Variants in POLR2E observed in about 807,000 individuals in gnomAD.
The protein encoded by POLR2E is RNA polymerase II, I and III subunit E.
Under a neutral mutation model 29.8 loss-of-function variants are expected in POLR2E, and 35 were observed. The observed-to-expected ratio is 1.17, with a 90% CI of 0.90 to 1.55. The LOEUF (loss-of-function observed/expected upper bound fraction) is 1.55, where lower values mean the gene tolerates loss of function less well. Among genes scored for constraint, POLR2E ranks in the 40% most tolerant of loss-of-function variants. The probability of loss-of-function intolerance (pLI) is 0.00; values close to 1 mark genes in which losing one functional copy is unlikely to be tolerated. For synonymous variants in POLR2E, 174 were observed against 112.6 expected (o/e 1.55, Z -3.45); for missense variants, 287 against 288.6 (o/e 0.99, Z 0.04).
intron 6 of POLR2E, 158 bp downstream of exon 6, chr19:1,089,726 G>A: frequency 1.3e-6 from 1 of 788,254 alleles, no homozygotes; most frequent in Non-Finnish European, 2.1e-6. Flanking sequence ...TGGGCCCAGT[G>A]GCCCTGGCTT....
Position 1,091,854 on chromosome 19 carries a change from C to T in POLR2E, c.286G>A (p.Glu96Lys). Residue 96 changes from glutamate to lysine, a missense_variant, in exon 3 of 8, where the codon GAG becomes AAG. Glu to Lys is a moderately conservative substitution (Grantham distance 56). Transcript: ENST00000615234. ...TIKVYCQRMQ[E>K]ENITRALIVV... is the part of the protein sequence containing the mutation. ...ATGAGAGCCCGTGTGATGTTCTCCT[C>T]CTGCATGCGCTGGCAGTACACCTTG... is the stretch of plus-strand genomic sequence containing the variant. The T allele has an allele frequency of 6.2e-7, 1 of 1,613,370 alleles. No homozygotes were observed. Among genetic ancestry groups the T allele is most frequent in the Non-Finnish European group, 8.5e-7 (1 of 1,179,858 alleles).
intron 2 of POLR2E, chr19:1,092,349 G>A (rs1819338435): frequency 5.9e-6 from 1 of 168,134 alleles, no homozygotes; most frequent in Non-Finnish European, 1.3e-5. Flanking sequence ...GAGGCAGGTG[G>A]ATCACTTGAA....
chr19:1,091,895 A>T lies in POLR2E; in HGVS notation c.245T>A (p.Val82Glu). ...MFVFFPEEPK[V>E]GIKTIKVYCQ... Reference sequence around the variant, plus strand: ...GTACACCTTGATGGTCTTGATGCCCACCTTGGGCTCCTCTGCAGACAGAGA... The same window carrying T: ...GTACACCTTGATGGTCTTGATGCCCTCCTTGGGCTCCTCTGCAGACAGAGA... Residue 82 changes from valine (V) to glutamate (E), a missense_variant, in exon 3 of 8, where the codon GTG becomes GAG. Coordinates refer to ENST00000615234, the MANE Select transcript of POLR2E (RefSeq NM_002695.5). The T allele has an allele frequency of 6.2e-7, 1 of 1,610,434 alleles. No individual in the cohort carries two copies. The highest frequency in any genetic ancestry group is 8.5e-7 in the Non-Finnish European group (1 of 1,177,710).
intron 3 of POLR2E, chr19:1,091,540 C>T (rs1353400229): frequency 2.5e-5 from 13 of 526,482 alleles, no homozygotes; most frequent in East Asian, 1.7e-4. Flanking sequence ...CAGGAGCTGG[C>T]GAGAGGCACA....
rs143859913 is a variant in POLR2E, at chr19:1,093,770, G to A, written c.232+134C>T. ...GCATCACCCACAGCAAGGAAGGGGAGGGGAGTTTTCCTCCCAGACTGGGCA... is the reference window on the plus strand; with the variant it reads ...GCATCACCCACAGCAAGGAAGGGGAAGGGAGTTTTCCTCCCAGACTGGGCA... On this transcript the variant is annotated intron_variant, in intron 2 of 7. Coordinates refer to ENST00000615234, the MANE Select transcript of POLR2E (RefSeq NM_002695.5). The A allele has an allele frequency of 1.9e-3, 2,753 of 1,417,172 alleles. 5 individuals are homozygous for A. Among genetic ancestry groups the A allele is most frequent in the Admixed American group, 6.6e-3 (212 of 32,128 alleles). 87.8% of individuals were successfully genotyped at this position (1,417,172 alleles called of 1,614,324 possible).
At chr19:1,093,730 G>T (rs1248812043) in intron 2 of POLR2E, 174 bp downstream of exon 2, 4 of 1,402,280 alleles carry the variant, frequency 2.9e-6, no homozygotes, top group Non-Finnish European at 3.7e-6. Flanking sequence ...GCATGAGAGG[G>T]GTCAGAGATC....
At chr19:1,090,835 A>G (rs1381994149) in intron 4 of POLR2E, 73 bp downstream of exon 4, 5 of 1,341,572 alleles carry the variant, frequency 3.7e-6, no homozygotes, top group African/African-American at 2.9e-5. Context: ...CAGATCCCAC[A>G]TCTTCCTGGC....
At chr19:1,091,492 G>A (rs2043828847) in intron 3 of POLR2E, 2 of 449,572 alleles carry the variant, frequency 4.4e-6, no homozygotes, top group Non-Finnish European at 8.2e-6. Flanking sequence ...AGAACCTCCG[G>A]CTCCTGGAAT....
chr19:1,090,536 GCTCCCC>G (rs1172624713), intron 4 of POLR2E, among the ~76,000 whole-genome samples: 1 of 142,832 alleles, frequency 7.0e-6, no homozygotes, highest in East Asian at 2.0e-4. Flanking sequence ...CACAATCTCG[GCTCCCC>G]GAGTAGCTGG....
rs2043780306 is a variant in POLR2E, at chr19:1,089,427, C to G, written c.*14+45G>C. On this transcript the variant is annotated intron_variant, in intron 7 of 7. Coordinates refer to ENST00000615234, the MANE Select transcript of POLR2E (RefSeq NM_002695.5). Reference sequence around the variant, plus strand: ...GCACACCGACGGAGGGGACGACACCCCTGCCTCTGACCCCACCTCAGTGCC... The same window carrying G: ...GCACACCGACGGAGGGGACGACACCGCTGCCTCTGACCCCACCTCAGTGCC... 3 of 1,320,928 alleles carry G rather than the reference C, an allele frequency of 2.3e-6. No individual in the cohort carries two copies. The Middle Eastern group carries it at 5.7e-4, about 250-fold the overall frequency. 81.8% of individuals were successfully genotyped at this position (1,320,928 alleles called of 1,614,324 possible). A position where few individuals can be genotyped will look rare whatever the true frequency, so the allele number is the denominator to read the frequency against.
At chr19:1,091,625 G>A (rs1029418783) in intron 3 of POLR2E, 167 bp downstream of exon 3, 18 of 606,460 alleles carry the variant, frequency 3.0e-5, no homozygotes, top group Non-Finnish European at 4.5e-5. Context: ...CCATGGACGC[G>A]GTGGGAGGGA....
At chr19:1,094,203 T>C in intron 1 of POLR2E, 125 bp from the exon 2 acceptor site, 1 of 821,544 alleles carries the variant, frequency 1.2e-6, no homozygotes, top group Non-Finnish European at 1.9e-6. Flanking sequence ...GGATGAACAC[T>C]CACTGTGTGC....
At chr19:1,091,937 G>A (rs375634801) in intron 2 of POLR2E, 30 bp from the exon 3 acceptor site, 314 of 1,510,402 alleles carry the variant, frequency 2.1e-4, no homozygotes, top group Non-Finnish European at 2.5e-4. Context: ...TGGCCTGCAC[G>A]AGCCTGGGCC....
chr19:1,094,144 G>C, intron 1 of POLR2E, 66 bp from the exon 2 acceptor site: 1 of 1,480,790 alleles, frequency 6.8e-7, no homozygotes, highest in South Asian at 1.3e-5. Context: ...CTCGTGACCC[G>C]GAAGTCAGAC....
At chr19:1,089,661 G>C in intron 6 of POLR2E, 110 bp from the exon 7 acceptor site, 1 of 949,906 alleles carries the variant, frequency 1.1e-6, no homozygotes, top group Admixed American at 1.9e-5. Context: ...GGTCCGAGAT[G>C]GCTGACCCTG....
intron 5 of POLR2E, 28 bp from the exon 6 acceptor site, chr19:1,089,990 G>C (rs1018690354): frequency 2.1e-6 from 3 of 1,420,808 alleles, no homozygotes; most frequent in Non-Finnish European, 2.8e-6. Flanking sequence ...GAAAATGCCA[G>C]ACAGGGCCGT....
chr19:1,091,576 TGA>T (rs1849105261), intron 3 of POLR2E: 1 of 569,964 alleles, frequency 1.8e-6, no homozygotes, highest in Non-Finnish European at 3.2e-6. Context: ...ACGCCCCTCC[TGA>T]GAGCTGGGGG....
intron 5 of POLR2E, 43 bp from the exon 6 acceptor site, chr19:1,090,005 G>A (rs762357871): frequency 1.9e-6 from 3 of 1,559,370 alleles, no homozygotes; most frequent in South Asian, 2.2e-5. Context: ...GGCCGTTGGG[G>A]GGGCAGGGGT....
chr19:1,094,382 T>C (rs917904304), intron 1 of POLR2E: 1 of 373,012 alleles, frequency 2.7e-6, no homozygotes, highest in South Asian at 5.1e-5. Context: ...AGAGCTACCC[T>C]AAAGGCAGGG....
Sources: gnomAD v4.1 joint callset for allele counts (sites outside exome capture counted in the v4.1 genomes callset) on GRCh38, gnomAD v4.1.1 for gene constraint, MANE v1.5 for transcripts, NCBI Gene and HGNC (gene_info 2026-07-23, HGNC 2026-07-21) for gene names.